The following APPL2 variants were observed in gnomAD, a reference collection of about 807,000 sequenced individuals.
APPL2 encodes DCC-interacting protein 13-beta.
In APPL2, 84 loss-of-function variants were observed where a neutral mutation model predicts 92.7. The observed-to-expected ratio is 0.91, with a 90% CI of 0.76 to 1.09. APPL2 has a LOEUF of 1.09. Among genes scored for constraint, APPL2 ranks in the 50% least tolerant of loss-of-function variants. The probability of loss-of-function intolerance (pLI) is 0.00; values close to 1 mark genes in which losing one functional copy is unlikely to be tolerated. For synonymous variants in APPL2, 291 were observed against 291.0 expected (o/e 1.00, Z 0.00); for missense variants, 736 against 824.5 (o/e 0.89, Z 1.31).
intron 3 of APPL2, 87 bp from the exon 4 acceptor site, chr12:105,217,227 C>T: frequency 1.3e-6 from 1 of 799,868 alleles, no homozygotes. Context: ...CGACCCTCCA[C>T]ACCGACGTCC....
intron 17 of APPL2, among the ~76,000 whole-genome samples, chr12:105,186,658 TA>T (rs796597698): frequency 0.02 from 848 of 41,796 alleles, 17 homozygotes; most frequent in African/African-American, 0.053. Flanking sequence ...ATCGATATCA[TA>T]TATATCATAT....
chr12:105,232,176 C>A (rs1401381203), intron 1 of APPL2, among the ~76,000 whole-genome samples: 1 of 152,142 alleles, frequency 6.6e-6, no homozygotes, highest in Non-Finnish European at 1.5e-5. Context: ...CAAACACAAC[C>A]TCAGAGAGAT....
At chr12:105,189,367 A>T (rs1887000518) in intron 16 of APPL2, among the ~76,000 whole-genome samples, 1 of 152,222 alleles carries the variant, frequency 6.6e-6, no homozygotes, top group South Asian at 2.1e-4. Flanking sequence ...AGAATGTAAA[A>T]AACCAAAAAT....
At chr12:105,226,701 T>C (rs1334938697) in intron 2 of APPL2, among the ~76,000 whole-genome samples, 3 of 152,250 alleles carry the variant, frequency 2.0e-5, no homozygotes, top group Non-Finnish European at 4.4e-5. Context: ...ATTTCAGGTA[T>C]AAGCCCAGTA....
intron 17 of APPL2, among the ~76,000 whole-genome samples, chr12:105,186,692 C>CATATATG (rs370327440): frequency 7.4e-5 from 4 of 54,054 alleles, no homozygotes; most frequent in Admixed American, 2.3e-4. Flanking sequence ...ATATATATAT[C>CATATATG]ATATATCATA....
chr12:105,210,149 A>T (rs1223662866), intron 5 of APPL2, among the ~76,000 whole-genome samples: 1 of 151,962 alleles, frequency 6.6e-6, no homozygotes. Flanking sequence ...TTTAGTAGAG[A>T]CGAGGTTTCG....
chr12:105,235,927 C>A (rs1216730254), intron 1 of APPL2, 32 bp downstream of exon 1: 7 of 1,234,184 alleles, frequency 5.7e-6, no homozygotes, highest in Middle Eastern at 2.6e-4. Context: ...CTCACCCCTG[C>A]GGGCGAGGGG....
chr12:105,231,940 A>G (rs145507984), intron 1 of APPL2, among the ~76,000 whole-genome samples: 186 of 152,350 alleles, frequency 1.2e-3, no homozygotes, highest in African/African-American at 4.3e-3. Context: ...AGACATAAAG[A>G]AGGAATGAGA....
intron 9 of APPL2, among the ~76,000 whole-genome samples, chr12:105,200,591 G>C (rs962034061): frequency 1.3e-5 from 2 of 152,226 alleles, no homozygotes; most frequent in African/African-American, 2.4e-5. Context: ...CCACCCACTA[G>C]TGACAGTCTT....
chr12:105,225,919 A>G (rs1890463136), intron 2 of APPL2, among the ~76,000 whole-genome samples: 1 of 152,230 alleles, frequency 6.6e-6, no homozygotes, highest in East Asian at 1.9e-4. Flanking sequence ...TCTGATTAAA[A>G]TATCTTTTAT....
chr12:105,203,604 G>A (rs1482746091), intron 9 of APPL2, 99 bp downstream of exon 9: 29 of 1,096,252 alleles, frequency 2.6e-5, no homozygotes, highest in South Asian at 7.9e-5. Flanking sequence ...GGCTCTGTGC[G>A]ACCCTCCACA....
At chr12:105,225,719 A>G (rs1017406404) in intron 2 of APPL2, among the ~76,000 whole-genome samples, 1 of 152,206 alleles carries the variant, frequency 6.6e-6, no homozygotes, top group Non-Finnish European at 1.5e-5. Flanking sequence ...AAGATGCTGA[A>G]AACAGCTTAG....
chr12:105,177,040 CAG>C (rs1419046112), intron 18 of APPL2, 24 bp from the exon 19 acceptor site: 1 of 1,613,296 alleles, frequency 6.2e-7, no homozygotes, highest in Non-Finnish European at 8.5e-7. Context: ...AAAAAGGCAA[CAG>C]ATCATACAAC....
At chr12:105,218,885 C>T (rs1334537469) in intron 2 of APPL2, among the ~76,000 whole-genome samples, 1 of 152,250 alleles carries the variant, frequency 6.6e-6, no homozygotes, top group Non-Finnish European at 1.5e-5. Flanking sequence ...GTGCCATTTT[C>T]ACCAGCCCGT....
At chr12:105,188,961 G>A (rs551188454) in intron 16 of APPL2, among the ~76,000 whole-genome samples, 20 of 152,286 alleles carry the variant, frequency 1.3e-4, no homozygotes, top group African/African-American at 4.3e-4. Context: ...TGACAGTGGC[G>A]CATAACTTGA....
At chr12:105,209,912 C>T (rs893716753) in intron 5 of APPL2, among the ~76,000 whole-genome samples, 1 of 151,900 alleles carries the variant, frequency 6.6e-6, no homozygotes, top group African/African-American at 2.4e-5. Flanking sequence ...TGTTCCTTAG[C>T]CTCAGGTGAC....
chr12:105,191,375 A>G (rs1262086434), intron 14 of APPL2, among the ~76,000 whole-genome samples: 2 of 152,224 alleles, frequency 1.3e-5, no homozygotes, highest in African/African-American at 2.4e-5. Context: ...TACTGCTTCA[A>G]TAACCCTAAA....
chr12:105,217,096 G>C lies in APPL2; in HGVS notation c.258C>G (p.Leu86=). The change falls in exon 4 of 21, where the codon CTC becomes CTG. Residue 86 remains leucine, a synonymous_variant. Coordinates refer to ENST00000258530, the MANE Select transcript of APPL2 (RefSeq NM_018171.5). Reference sequence around the variant, plus strand: ...CATCCACCACTTTGGAAAAATAGTGGAGTGTTGAAATTACTTCTTCATCAC... The same window carrying C: ...CATCCACCACTTTGGAAAAATAGTGCAGTGTTGAAATTACTTCTTCATCAC... ...GKGDEEVIST[L]HYFSKVVDEL... is the part of the protein sequence containing the mutation. 6.2e-7 allele frequency: 1 copy of C among 1,610,704 alleles called. No individual in the cohort carries two copies. Among genetic ancestry groups the C allele is most frequent in the Non-Finnish European group, 8.5e-7 (1 of 1,177,690 alleles).
chr12:105,178,240 A>C (rs1227413559), intron 17 of APPL2, among the ~76,000 whole-genome samples: 1 of 152,254 alleles, frequency 6.6e-6, no homozygotes, highest in African/African-American at 2.4e-5. Context: ...TGGAATAATT[A>C]ACATGCTATT....
Sources: gnomAD v4.1 joint callset for allele counts (sites outside exome capture counted in the v4.1 genomes callset) on GRCh38, gnomAD v4.1.1 for gene constraint, MANE v1.5 for transcripts, NCBI Gene and HGNC (gene_info 2026-07-23, HGNC 2026-07-21) for gene names.